PROM1: variants seen among roughly 807,000 people sequenced by gnomAD.
PROM1 encodes prominin-1.
PROM1 carries 105 observed loss-of-function variants against 116.9 expected under a neutral mutation model. That is an observed-to-expected ratio of 0.90 (90% CI 0.77 to 1.06). PROM1 has a LOEUF of 1.06. Among genes scored for constraint, PROM1 ranks in the 50% least tolerant of loss-of-function variants. PROM1 has a pLI of 0.00. For synonymous variants in PROM1, 393 were observed against 387.0 expected (o/e 1.02, Z -0.18); for missense variants, 1,122 against 1,045.2 (o/e 1.07, Z -1.01).
rs1413943051 is a variant in PROM1, at chr4:15,968,345, C to T, written c.*1048G>A. Reference sequence around the variant, plus strand: ...ACATCAACGTTAAATTTTGTCCGACCAGTTCTTCATTGCTGATCACTTTTG... The same window carrying T: ...ACATCAACGTTAAATTTTGTCCGACTAGTTCTTCATTGCTGATCACTTTTG... On this transcript the variant is annotated 3_prime_UTR_variant, in exon 28 of 28. Transcript: ENST00000447510. 6.6e-6 allele frequency: 1 copy of T among 152,168 alleles called. No individual in the cohort carries two copies. Among genetic ancestry groups the T allele is most frequent in the Non-Finnish European group, 1.5e-5 (1 of 68,034 alleles). The allele number at this position is 152,168 out of a possible 1,614,324, so 9.4% of individuals were successfully genotyped here. A position where few individuals can be genotyped will look rare whatever the true frequency, so the allele number is the denominator to read the frequency against.
chr4:16,021,461 T>C (rs1366682745), intron 8 of PROM1, among the ~76,000 whole-genome samples: 1 of 152,194 alleles, frequency 6.6e-6, no homozygotes, highest in Non-Finnish European at 1.5e-5. Context: ...CTCTTCAACA[T>C]TGCAGTCACA....
intron 27 of PROM1, 143 bp from the exon 28 acceptor site, chr4:15,969,511 T>C (rs538201219): frequency 1.3e-5 from 2 of 152,218 alleles, no homozygotes; most frequent in Non-Finnish European, 2.9e-5. Context: ...CACAGCAATA[T>C]GTTTGTTGCA....
intron 1 of PROM1, chr4:16,082,057 A>T (rs1037882091): frequency 4.6e-5 from 7 of 152,188 alleles, no homozygotes; most frequent in African/African-American, 1.7e-4. Flanking sequence ...CTGTCAAAGG[A>T]GGATTTCGCA....
At chr4:15,981,346 G>T (rs1300814229) in intron 23 of PROM1, among the ~76,000 whole-genome samples, 1 of 151,456 alleles carries the variant, frequency 6.6e-6, no homozygotes, top group African/African-American at 2.4e-5. Flanking sequence ...CGAGGCAGGC[G>T]GATCACGAGG....
chr4:15,972,833 T>C lies in PROM1; in HGVS notation c.2583-1751A>G, dbSNP rs115818255. On this transcript the variant is annotated intron_variant, in intron 26 of 27. Transcript: ENST00000447510. ...AGTAGACATCACACACTGATGACAGTACTTTTGAGTCAGTCTGGATTAAAC... is the reference window on the plus strand; with the variant it reads ...AGTAGACATCACACACTGATGACAGCACTTTTGAGTCAGTCTGGATTAAAC... Among the ~76,000 whole-genome samples the C allele has an allele frequency of 4.2e-3, 644 of 152,316 alleles. 5 individuals carry two copies. Among genetic ancestry groups the C allele is most frequent in the African/African-American group, 0.015 (613 of 41,570 alleles).
At chr4:16,023,694 A>C (rs1730488426) in intron 7 of PROM1, among the ~76,000 whole-genome samples, 1 of 152,140 alleles carries the variant, frequency 6.6e-6, no homozygotes. Context: ...CTTCGGCTAG[A>C]CCAGAGTTCG....
intron 15 of PROM1, among the ~76,000 whole-genome samples, chr4:15,994,546 T>C (rs534317131): frequency 1.9e-4 from 29 of 152,216 alleles, no homozygotes; most frequent in African/African-American, 7.0e-4. Flanking sequence ...TATATCCTCA[T>C]GGTGAGGACA....
intron 3 of PROM1, 122 bp from the exon 4 acceptor site, chr4:16,035,883 T>C (rs745365154): frequency 2.2e-6 from 2 of 892,910 alleles, no homozygotes; most frequent in Non-Finnish European, 3.7e-6. Flanking sequence ...AGGAGGAAAT[T>C]GGGTGATAGA....
Position 15,989,712 on chromosome 4 carries a change from A to T in PROM1, c.2076+20T>A, listed in dbSNP as rs1353565115. On this transcript the variant is annotated intron_variant, in intron 19 of 27. Transcript: ENST00000447510. ...TTTTGCTCAGGTCACAGTGAAATACAATACGTCGTTGACTGTTACCAGTGA... is the reference window on the plus strand; with the variant it reads ...TTTTGCTCAGGTCACAGTGAAATACTATACGTCGTTGACTGTTACCAGTGA... 6.4e-7 allele frequency: 1 copy of T among 1,560,964 alleles called. No homozygotes were observed.
chr4:16,036,517 G>A (rs540612593), intron 3 of PROM1, among the ~76,000 whole-genome samples: 2 of 152,234 alleles, frequency 1.3e-5, no homozygotes, highest in Admixed American at 1.3e-4. Context: ...CCCTTTCTTG[G>A]GGAAGGGGCA....
chr4:16,028,621 G>T (rs1731943280), intron 5 of PROM1, among the ~76,000 whole-genome samples: 2 of 151,992 alleles, frequency 1.3e-5, no homozygotes, highest in South Asian at 2.1e-4. Context: ...ACTCCCTGTT[G>T]TTCAGTGTAT....
At chr4:16,019,871 TACACACACAC>T (rs3040447) in intron 8 of PROM1, among the ~76,000 whole-genome samples, 3 of 148,062 alleles carry the variant, frequency 2.0e-5, no homozygotes, top group East Asian at 3.9e-4. Context: ...GTGTTAAAAA[TACACACACAC>T]ACACACACAC....
At chr4:15,989,852 A>G in intron 18 of PROM1, 28 bp from the exon 19 acceptor site, 1 of 1,525,256 alleles carries the variant, frequency 6.6e-7, no homozygotes, top group Non-Finnish European at 9.0e-7. Context: ...AACAAAGATC[A>G]ATACCATCTT....
intron 7 of PROM1, 113 bp from the exon 8 acceptor site, chr4:16,023,528 T>G: frequency 1.3e-6 from 1 of 775,466 alleles, no homozygotes; most frequent in Non-Finnish European, 2.1e-6. Context: ...CCCATTTGCA[T>G]CCTGGACCCT....
chr4:16,075,478 G>A (rs1743749102), intron 2 of PROM1, among the ~76,000 whole-genome samples: 1 of 152,248 alleles, frequency 6.6e-6, no homozygotes, highest in South Asian at 2.1e-4. Flanking sequence ...TAGCAACATC[G>A]TTTGCTTCCA....
Position 16,006,579 on chromosome 4 carries a change from G to C in PROM1, c.1413C>G (p.Thr471=), listed in dbSNP as rs766792370. Residue 471 remains threonine (T), a synonymous_variant, in exon 13 of 28, where the codon ACC becomes ACG. Transcript: ENST00000447510. ...CTCCGGTGTTGGAGACACAGCCTCGGGTGGTCGGGGTGGCATGCCTGTCAT... is the reference window on the plus strand; with the variant it reads ...CTCCGGTGTTGGAGACACAGCCTCGCGTGGTCGGGGTGGCATGCCTGTCAT... The part of the protein sequence containing the change: ...CGYDRHATPT[T]RGCVSNTGGV... 3 of 1,603,330 alleles carry C rather than the reference G, an allele frequency of 1.9e-6. No individual in the cohort carries two copies. In the South Asian group the frequency reaches 3.4e-5, roughly 18 times the overall value.
At chr4:16,055,351 C>T (rs1273965459) in intron 2 of PROM1, 2 of 455,598 alleles carry the variant, frequency 4.4e-6, no homozygotes, top group African/African-American at 4.0e-5. Context: ...GCAAAAATTC[C>T]CCTTGTCCTC....
At chr4:16,059,863 A>T (rs995214109) in intron 2 of PROM1, among the ~76,000 whole-genome samples, 8 of 152,154 alleles carry the variant, frequency 5.3e-5, no homozygotes, top group East Asian at 3.9e-4. Flanking sequence ...CACAGCAATT[A>T]AAAAAAATGG....
chr4:16,027,942 A>G (rs1295231488), intron 5 of PROM1, among the ~76,000 whole-genome samples: 1 of 152,244 alleles, frequency 6.6e-6, no homozygotes, highest in Non-Finnish European at 1.5e-5. Context: ...ACTCGATTTC[A>G]ATGCTACATA....
Sources: allele counts gnomAD v4.1 joint callset (sites outside exome capture counted in the v4.1 genomes callset), GRCh38; gene constraint gnomAD v4.1.1; transcripts MANE v1.5; gene names NCBI Gene and HGNC (gene_info 2026-07-23, HGNC 2026-07-21).